Variants in AGO3 observed in about 807,000 individuals in gnomAD.
AGO3 encodes the protein protein argonaute-3.
In AGO3, 16 loss-of-function variants were observed where a neutral mutation model predicts 105.5. The observed-to-expected ratio is 0.15, with a 90% CI of 0.10 to 0.23. The LOEUF (loss-of-function observed/expected upper bound fraction) is 0.23, where lower values mean the gene tolerates loss of function less well. AGO3 is among the 10% of genes least tolerant of loss of function. The pLI, the probability that AGO3 is intolerant of heterozygous loss-of-function variation, is 1.00. For missense variants in AGO3, 534 were observed against 1,088.0 expected, an observed-to-expected ratio of 0.49 and a Z score of 7.16; for synonymous variants, 340 against 367.3, an observed-to-expected ratio of 0.93 and a Z score of 0.85.
At chr1:35,947,289 ACTAT>A (rs1646384324) in intron 2 of AGO3, among the ~76,000 whole-genome samples, 2 of 151,884 alleles carry the variant, frequency 1.3e-5, no homozygotes, top group African/African-American at 4.8e-5. Context: ...GCTTTAAGAT[ACTAT>A]CTGTTGAATA....
At chr1:36,035,997 C>T (rs548842394) in intron 13 of AGO3, among the ~76,000 whole-genome samples, 180 bp from the exon 14 acceptor site, 1 of 145,972 alleles carries the variant, frequency 6.9e-6, no homozygotes, top group South Asian at 2.2e-4. Context: ...CGTGCCACTG[C>T]ACTCCAGCCT....
chr1:35,967,614 G>A (rs1308365215), intron 3 of AGO3, among the ~76,000 whole-genome samples: 1 of 151,572 alleles, frequency 6.6e-6, no homozygotes, highest in Admixed American at 6.6e-5. Context: ...ATGGGGTTTC[G>A]CCATGTTGGC....
chr1:36,009,932 CTTTTTTTTT>C (rs58385070), intron 9 of AGO3, among the ~76,000 whole-genome samples: 3 of 58,204 alleles, frequency 5.2e-5, no homozygotes, highest in Non-Finnish European at 9.1e-5. Context: ...TACTAAAATT[CTTTTTTTTT>C]TTTTTTTTTT....
chr1:36,011,084 T>A (rs1019434747), intron 9 of AGO3, among the ~76,000 whole-genome samples: 1 of 152,126 alleles, frequency 6.6e-6, no homozygotes, highest in African/African-American at 2.4e-5. Flanking sequence ...ATAAAACTCA[T>A]AGAGTAAGGC....
At chr1:36,052,983 TC>T (rs1193743808) in intron 17 of AGO3, among the ~76,000 whole-genome samples, 1 of 152,026 alleles carries the variant, frequency 6.6e-6, no homozygotes. Context: ...AATAAATAAA[TC>T]CTATATGACT....
intron 5 of AGO3, among the ~76,000 whole-genome samples, chr1:35,993,167 A>G (rs1424183887): frequency 2.0e-5 from 3 of 152,226 alleles, no homozygotes; most frequent in African/African-American, 7.2e-5. Context: ...TGAATCCCAT[A>G]TGTCAAGACT....
In AGO3 at chr1:36,065,211, C is replaced by T. The variant is rs1643077153; in HGVS notation, c.*9466C>T. On this transcript the variant is annotated 3_prime_UTR_variant, in exon 19 of 19. Transcript: ENST00000373191. The stretch of plus-strand genomic sequence containing the variant: ...TATTTTTGCTGTGATTGTATGTCCC[C>T]TTTTAAGGATATTTATTGCGCTTAT... The T allele has an allele frequency of 6.6e-6, 1 of 151,986 alleles. No homozygotes were observed. The highest frequency in any genetic ancestry group is 2.4e-5 in the African/African-American group (1 of 41,360). 9.4% of individuals were successfully genotyped at this position (151,986 alleles called of 1,614,324 possible).
At chr1:35,991,534 T>TA (rs1647653890) in intron 5 of AGO3, among the ~76,000 whole-genome samples, 3 of 142,568 alleles carry the variant, frequency 2.1e-5, no homozygotes, top group African/African-American at 8.4e-5. Context: ...GGGAGCAAAT[T>TA]TTATATATAT....
Position 36,008,542 on chromosome 1 carries a change from T to TA in AGO3, c.794-144dup, listed in dbSNP as rs1380238337. On this transcript the variant is annotated intron_variant, in intron 6 of 18. Transcript: ENST00000373191. The surrounding 1 kb of genome is among the most constrained non-coding windows in gnomAD (Gnocchi z 5.1). Reference sequence around the variant, plus strand: ...TGACCATTATTAGCAATGTTATATGTAAAATCTGGTGTTTATATCATCTTG... The same window carrying TA: ...TGACCATTATTAGCAATGTTATATGTAAAAATCTGGTGTTTATATCATCTTG... 9 of 705,964 alleles carry TA rather than the reference T, an allele frequency of 1.3e-5. No homozygotes were observed. The African/African-American group carries it at 1.6e-4, about 13-fold the overall frequency. The allele number at this position is 705,964 out of a possible 1,614,324, so 43.7% of individuals were successfully genotyped here. A position where few individuals can be genotyped will look rare whatever the true frequency, so the allele number is the denominator to read the frequency against.
chr1:36,055,683 C>G lies in AGO3; in HGVS notation c.2521C>G (p.Gln841Glu), dbSNP rs1434032527. The G allele has an allele frequency of 6.2e-7, 1 of 1,614,210 alleles. No homozygotes were observed. Among genetic ancestry groups the G allele is most frequent in the South Asian group, 1.1e-5 (1 of 91,088 alleles). Residue 841 changes from glutamine (Q) to glutamate (E), a missense_variant, in exon 19 of 19, where the codon CAA becomes GAA. Coordinates refer to ENST00000373191, the MANE Select transcript of AGO3 (RefSeq NM_024852.4). This position sits in a 1 kb window ranked among gnomAD's most constrained non-coding sequence, Gnocchi z 4.4. ...AGGACAAAGCAATGGGCGAGATCCA[C>G]AAGCTCTTGCCAAGGCTGTACAGAT... is the stretch of plus-strand genomic sequence containing the variant. ...VSGQSNGRDP[Q>E]ALAKAVQIHQ...
At position 35,991,053 on chromosome 1, in the gene AGO3, A is replaced by G. The variant is rs539759925; in HGVS notation, c.659-13288A>G. Among the ~76,000 whole-genome samples the G allele has an allele frequency of 1.1e-4, 17 of 152,294 alleles. No individual in the cohort carries two copies. The South Asian group carries it at 2.1e-3, about 19-fold the overall frequency. ...CACGGTGGCTCACGCCTGTAATTCT[A>G]CCACTTATGGGAGGCCGAGGTGGGC... On this transcript the variant is annotated intron_variant, in intron 5 of 18. Transcript: ENST00000373191.
chr1:36,008,830 G>A lies in AGO3; in HGVS notation c.881+53G>A. On this transcript the variant is annotated intron_variant, in intron 7 of 18. Coordinates refer to ENST00000373191, the MANE Select transcript of AGO3 (RefSeq NM_024852.4). The surrounding 1 kb of genome is among the most constrained non-coding windows in gnomAD (Gnocchi z 5.1). ...GGTGTGAGGCAGCTTGCTCTAGTTA[G>A]TGGGGTTGGGAGTTTTTCTGGCTCA... 1 of 1,614,058 alleles carries A rather than the reference G, an allele frequency of 6.2e-7. No homozygotes were observed.
intron 9 of AGO3, among the ~76,000 whole-genome samples, chr1:36,012,041 C>T (rs866621531): frequency 1.3e-5 from 2 of 151,976 alleles, no homozygotes; most frequent in South Asian, 4.1e-4. Flanking sequence ...AGAGATGCCC[C>T]ATTGGTGCCT....
intron 3 of AGO3, among the ~76,000 whole-genome samples, chr1:35,970,293 T>A (rs573791412): frequency 6.6e-6 from 1 of 152,292 alleles, no homozygotes; most frequent in Admixed American, 6.5e-5. Context: ...GTATGGTAAA[T>A]CTAACACATA....
chr1:35,969,517 G>T (rs1646830404), intron 3 of AGO3, among the ~76,000 whole-genome samples: 1 of 152,086 alleles, frequency 6.6e-6, no homozygotes, highest in Admixed American at 6.6e-5. Flanking sequence ...TGCTGTAAGG[G>T]AGTATATTTT....
chr1:36,012,976 C>T (rs1640695293), intron 9 of AGO3, among the ~76,000 whole-genome samples: 1 of 151,788 alleles, frequency 6.6e-6, no homozygotes, highest in Non-Finnish European at 1.5e-5. Context: ...TTGCTCTGAC[C>T]CCCAGGCTGG....
chr1:36,034,167 T>C lies in AGO3; in HGVS notation c.1592-7T>C, dbSNP rs201061440. The C allele has an allele frequency of 3.9e-6, 6 of 1,532,388 alleles. No individual in the cohort carries two copies. Among genetic ancestry groups the C allele is most frequent in the Non-Finnish European group, 5.3e-6 (6 of 1,140,812 alleles). The allele number at this position is 1,532,388 out of a possible 1,614,324, so 94.9% of individuals were successfully genotyped here. On this transcript the variant is annotated splice_region_variant and splice_polypyrimidine_tract_variant and intron_variant, in intron 12 of 18. Transcript: ENST00000373191. ...TTCTGACTAGAGGTTTTGCATCTAT[T>C]CCATAGCGGAAGTGAAACGTGTAGG...
intron 1 of AGO3, among the ~76,000 whole-genome samples, chr1:35,939,279 T>G (rs899253985): frequency 6.6e-6 from 1 of 152,126 alleles, no homozygotes; most frequent in Non-Finnish European, 1.5e-5. Flanking sequence ...TTGATTAGTA[T>G]CTATAGAATT....
chr1:36,040,272 G>C (rs1642191179), intron 15 of AGO3, 35 bp from the exon 16 acceptor site: 6 of 1,595,332 alleles, frequency 3.8e-6, no homozygotes, highest in Non-Finnish European at 4.3e-6. Flanking sequence ...ACAAATAGCT[G>C]ACTATATTGA....
Sources: gnomAD v4.1 joint callset for allele counts (sites outside exome capture counted in the v4.1 genomes callset) on GRCh38, gnomAD v4.1.1 for gene constraint, Gnocchi (gnomAD v3.1) non-coding constraint, MANE v1.5 for transcripts, NCBI Gene and HGNC (gene_info 2026-07-23, HGNC 2026-07-21) for gene names.